Variants in KAZN observed in about 807,000 individuals in gnomAD.
The protein encoded by KAZN is kazrin, periplakin interacting protein.
KAZN carries 40 observed loss-of-function variants against 87.4 expected under a neutral mutation model. The observed-to-expected ratio is 0.46, with a 90% confidence interval of 0.36 to 0.60. The LOEUF (loss-of-function observed/expected upper bound fraction) is 0.60. Ranked by LOEUF, KAZN falls within the 20% of genes least tolerant of loss-of-function variation. The pLI is 0.00. For synonymous variants in KAZN, 466 were observed against 458.3 expected, an observed-to-expected ratio of 1.02 and a Z score of -0.22; for missense variants, 898 against 1,073.9, an observed-to-expected ratio of 0.84 and a Z score of 2.29.
At chr1:15,000,778 C>T (rs189861205) in intron 2 of KAZN, among the ~76,000 whole-genome samples, 4 of 152,036 alleles carry the variant, frequency 2.6e-5, no homozygotes, top group Admixed American at 6.5e-5. Context: ...AGTGCTTGTA[C>T]GTTTGGATCA....
intron 1 of KAZN, among the ~76,000 whole-genome samples, chr1:14,942,337 G>T (rs961909988): frequency 6.6e-6 from 1 of 152,166 alleles, no homozygotes; most frequent in Non-Finnish European, 1.5e-5. Context: ...ATGGTTTGAG[G>T]TTTGTGGAGT....
chr1:15,108,383 G>T (rs1326763631), intron 13 of KAZN, among the ~76,000 whole-genome samples: 1 of 152,236 alleles, frequency 6.6e-6, no homozygotes, highest in Non-Finnish European at 1.5e-5. Flanking sequence ...ACCCAGCGGG[G>T]CCTTTGAGGC....
chr1:14,944,227 T>TTA (rs34929815), intron 1 of KAZN, among the ~76,000 whole-genome samples: 3 of 127,646 alleles, frequency 2.4e-5, no homozygotes, highest in Non-Finnish European at 5.1e-5. Flanking sequence ...CTCCCCCTCC[T>TTA]AAAAAAAAAA....
chr1:14,588,858 C>T (rs1676013711), intron 2 of KAZN, among the ~76,000 whole-genome samples: 1 of 152,198 alleles, frequency 6.6e-6, no homozygotes, highest in African/African-American at 2.4e-5. Flanking sequence ...TTCTTCTAGA[C>T]AGTTTCATCT....
intron 1 of KAZN, among the ~76,000 whole-genome samples, chr1:14,090,232 T>A (rs1190840338): frequency 1.3e-5 from 2 of 152,198 alleles, no homozygotes; most frequent in African/African-American, 2.4e-5. Flanking sequence ...CTGGCTTTTC[T>A]GGGACTCCAA....
At chr1:14,414,476 C>T (rs551357689) in intron 2 of KAZN, among the ~76,000 whole-genome samples, 3 of 152,028 alleles carry the variant, frequency 2.0e-5, no homozygotes, top group Admixed American at 2.0e-4. Flanking sequence ...ATGATTGAAC[C>T]AGGACCACAT....
intron 1 of KAZN, among the ~76,000 whole-genome samples, chr1:14,768,190 A>G (rs1644933864): frequency 1.3e-5 from 2 of 152,236 alleles, no homozygotes; most frequent in Admixed American, 1.3e-4. Context: ...CAATAAAACA[A>G]TAAAGATAGA....
intron 2 of KAZN, among the ~76,000 whole-genome samples, chr1:14,310,489 C>T (rs576977869): frequency 1.8e-4 from 27 of 152,198 alleles, no homozygotes; most frequent in Admixed American, 6.5e-5. Flanking sequence ...CTATTGGTTC[C>T]GTGGAAAACA....
chr1:14,702,177 C>T (rs1641959072), intron 1 of KAZN, among the ~76,000 whole-genome samples: 1 of 152,166 alleles, frequency 6.6e-6, no homozygotes, highest in South Asian at 2.1e-4. Context: ...TCTCATTTCT[C>T]TTTGGGTCTT....
chr1:15,050,064 G>GTACA (rs1557756656), intron 4 of KAZN, among the ~76,000 whole-genome samples: 2 of 79,530 alleles, frequency 2.5e-5, no homozygotes, highest in African/African-American at 1.6e-4. Flanking sequence ...GGTAGGGTAG[G>GTACA]GTAGAGTAGA....
At chr1:14,924,447 G>T in intron 1 of KAZN, 1 of 988,904 alleles carries the variant, frequency 1.0e-6, no homozygotes, top group Non-Finnish European at 1.2e-6. Flanking sequence ...TGCGGGGCGG[G>T]GGCCGGGCCC....
intron 2 of KAZN, among the ~76,000 whole-genome samples, chr1:14,320,749 C>G (rs530180290): frequency 1.3e-5 from 2 of 152,256 alleles, no homozygotes; most frequent in Admixed American, 1.3e-4. Context: ...GCAGACTTTC[C>G]TTTAGCCACT....
chr1:14,351,253 T>C (rs1428283539), intron 2 of KAZN, among the ~76,000 whole-genome samples: 1 of 152,168 alleles, frequency 6.6e-6, no homozygotes, highest in East Asian at 1.9e-4. Flanking sequence ...CTTCAGAAAC[T>C]TGGGATATTT....
chr1:15,047,306 C>A (rs1557752488), intron 4 of KAZN, among the ~76,000 whole-genome samples: 1 of 152,156 alleles, frequency 6.6e-6, no homozygotes, highest in South Asian at 2.1e-4. Flanking sequence ...AGGCCCAGCT[C>A]CCCCACTGCA....
intron 1 of KAZN, among the ~76,000 whole-genome samples, chr1:13,922,148 T>G (rs1425880934): frequency 6.6e-6 from 1 of 152,180 alleles, no homozygotes; most frequent in Admixed American, 6.5e-5. Flanking sequence ...GGGCCCTGGA[T>G]TTCTCTGCCT....
chr1:15,035,485 T>C (rs1388588368), intron 3 of KAZN, among the ~76,000 whole-genome samples: 2 of 152,142 alleles, frequency 1.3e-5, no homozygotes, highest in Non-Finnish European at 2.9e-5. Context: ...CTGAGGAATT[T>C]GTTTCACCAT....
chr1:14,602,783 C>CTTAAT (rs1315413327), intron 1 of KAZN, among the ~76,000 whole-genome samples: 1 of 152,234 alleles, frequency 6.6e-6, no homozygotes, highest in African/African-American at 2.4e-5. Flanking sequence ...TAACAAAATA[C>CTTAAT]TTAATGCCCA....
chr1:15,106,756 C>T (rs1249796756), intron 13 of KAZN, among the ~76,000 whole-genome samples: 2 of 152,156 alleles, frequency 1.3e-5, no homozygotes, highest in Admixed American at 6.5e-5. Context: ...GACCCAAAGG[C>T]GCCAAGGAGA....
In KAZN at chr1:14,960,789, C is replaced by T; in HGVS notation, c.332C>T (p.Ser111Phe). The T allele has an allele frequency of 6.2e-7, 1 of 1,612,102 alleles. No homozygotes were observed. ...CTGGAGGAGTCGCAGGGCGGCAAGTCCTCTGAGGTCCTCTCGGCCACCGAG... is the reference window on the plus strand; with the variant it reads ...CTGGAGGAGTCGCAGGGCGGCAAGTTCTCTGAGGTCCTCTCGGCCACCGAG... Reference protein sequence around the residue: ...KDLEESQGGKSSEVLSATELR... With the variant: ...KDLEESQGGKFSEVLSATELR... Residue 111 changes from serine (S) to phenylalanine (F), a missense_variant, in exon 2 of 15, where the codon TCC becomes TTC. Coordinates refer to ENST00000376030, the MANE Select transcript of KAZN (RefSeq NM_201628.3).
Sources: allele counts gnomAD v4.1 joint callset (sites outside exome capture counted in the v4.1 genomes callset), GRCh38; gene constraint gnomAD v4.1.1; transcripts MANE v1.5; gene names NCBI Gene and HGNC (gene_info 2026-07-23, HGNC 2026-07-21).